The following HCN1 variants were observed in gnomAD, a reference collection of about 807,000 sequenced individuals.
The protein encoded by HCN1 is hyperpolarization activated cyclic nucleotide gated potassium channel 1, also known as potassium/sodium hyperpolarization-activated cyclic nucleotide-gated channel 1.
Under a neutral mutation model 78.9 loss-of-function variants are expected in HCN1, and 13 were observed. That is an observed-to-expected ratio of 0.16 (90% confidence interval 0.11 to 0.26). The LOEUF (loss-of-function observed/expected upper bound fraction) is 0.26. HCN1 is among the 10% of genes least tolerant of loss of function. The pLI, the probability that HCN1 is intolerant of heterozygous loss-of-function variation, is 1.00. For synonymous variants in HCN1, 552 were observed against 455.5 expected, an observed-to-expected ratio of 1.21 and a Z score of -2.70; for missense variants, 810 against 1,154.3, an observed-to-expected ratio of 0.70 and a Z score of 4.32.
intron 2 of HCN1, chr5:45,576,175 C>A (rs2111911312): frequency 6.6e-6 from 1 of 152,148 alleles, no homozygotes; most frequent in Admixed American, 6.6e-5. Context: ...AGTGGCGCCT[C>A]AAGAAGTGAC....
At chr5:45,453,540 G>T (rs1270572324) in intron 3 of HCN1, among the ~76,000 whole-genome samples, 2 of 152,008 alleles carry the variant, frequency 1.3e-5, no homozygotes, top group African/African-American at 4.8e-5. Context: ...CCAATTCATG[G>T]TTGTTTTCTA....
At chr5:45,593,340 TCACA>T (rs538486679) in intron 2 of HCN1, among the ~76,000 whole-genome samples, 110 of 125,554 alleles carry the variant, frequency 8.8e-4, no homozygotes, top group African/African-American at 1.5e-3. Context: ...TCTCTCTCTC[TCACA>T]CACACACACA....
At chr5:45,501,629 C>T (rs892086638) in intron 2 of HCN1, among the ~76,000 whole-genome samples, 89 of 152,166 alleles carry the variant, frequency 5.8e-4, no homozygotes, top group African/African-American at 1.8e-3. Context: ...TTAGTAGAGA[C>T]AGCGTTTGAC....
intron 1 of HCN1, among the ~76,000 whole-genome samples, chr5:45,676,155 T>C (rs748956630): frequency 3.9e-5 from 6 of 151,950 alleles, no homozygotes; most frequent in Admixed American, 1.3e-4. Flanking sequence ...TTTTGAGATA[T>C]CACTTTACTT....
Position 45,376,551 on chromosome 5 carries a change from C to T in HCN1, c.1230+19941G>A, listed in dbSNP as rs890733409. Reference sequence around the variant, plus strand: ...ATAAGCTAAACCAAAACAAAACAATCTTCTAAAATTTAAAGGATGATGATA... The same window carrying T: ...ATAAGCTAAACCAAAACAAAACAATTTTCTAAAATTTAAAGGATGATGATA... On this transcript the variant is annotated intron_variant, in intron 4 of 7. Coordinates refer to ENST00000303230, the MANE Select transcript of HCN1 (RefSeq NM_021072.4). 6.8e-4 allele frequency among the ~76,000 whole-genome samples: 103 copies of T among 151,144 alleles called. 1 individual carries two copies. Among genetic ancestry groups the T allele is most frequent in the African/African-American group, 2.4e-3 (100 of 41,190 alleles).
At chr5:45,529,701 C>G (rs16902161) in intron 2 of HCN1, among the ~76,000 whole-genome samples, 262 of 152,068 alleles carry the variant, frequency 1.7e-3, no homozygotes, top group African/African-American at 5.7e-3. Context: ...TAAATATTTT[C>G]TCAAAAGTTA....
chr5:45,418,430 C>T (rs990047018), intron 3 of HCN1, among the ~76,000 whole-genome samples: 2 of 148,958 alleles, frequency 1.3e-5, no homozygotes, highest in Non-Finnish European at 3.0e-5. Context: ...TAAAAACTAT[C>T]ACCTATCACA....
intron 2 of HCN1, among the ~76,000 whole-genome samples, chr5:45,487,610 G>A (rs967706336): frequency 6.6e-6 from 1 of 151,988 alleles, no homozygotes; most frequent in African/African-American, 2.4e-5. Flanking sequence ...ACTTTTCAAA[G>A]ACATATGTGC....
At chr5:45,346,606 C>T (rs1016218246) in intron 5 of HCN1, among the ~76,000 whole-genome samples, 4 of 152,160 alleles carry the variant, frequency 2.6e-5, no homozygotes, top group African/African-American at 9.6e-5. Flanking sequence ...GTTCCCTTTC[C>T]TAGTCAAAGA....
chr5:45,498,913 A>G (rs1181893131), intron 2 of HCN1, among the ~76,000 whole-genome samples: 1 of 152,070 alleles, frequency 6.6e-6, no homozygotes, highest in Non-Finnish European at 1.5e-5. Context: ...GGGGTCAGGG[A>G]CCCACTTTAG....
At chr5:45,596,981 C>T (rs1472192356) in intron 2 of HCN1, among the ~76,000 whole-genome samples, 1 of 151,870 alleles carries the variant, frequency 6.6e-6, no homozygotes, top group South Asian at 2.1e-4. Context: ...GATAACGTTA[C>T]CTCTTACAAA....
At chr5:45,600,079 T>A (rs1744592148) in intron 2 of HCN1, among the ~76,000 whole-genome samples, 1 of 152,092 alleles carries the variant, frequency 6.6e-6, no homozygotes, top group Admixed American at 6.6e-5. Flanking sequence ...TGTGTTTAGA[T>A]GTGTGGTCTT....
intron 1 of HCN1, among the ~76,000 whole-genome samples, chr5:45,657,160 T>C (rs1745781983): frequency 1.3e-5 from 2 of 152,128 alleles, no homozygotes; most frequent in Admixed American, 1.3e-4. Context: ...CTGAGTTTCT[T>C]TAATTTTCTG....
chr5:45,363,122 ATATAACATAT>A (rs1184507499), intron 4 of HCN1, among the ~76,000 whole-genome samples: 1 of 136,164 alleles, frequency 7.3e-6, no homozygotes, highest in Non-Finnish European at 1.5e-5. Context: ...CATATTATAT[ATATAACATAT>A]TATATATATA....
rs1215461701 is a variant in HCN1 at position 45,695,914 on chromosome 5, C to T, written c.180G>A (p.Lys60=). The T allele has an allele frequency of 1.3e-6, 2 of 1,502,772 alleles. No individual in the cohort carries two copies. The highest frequency in any genetic ancestry group is 5.1e-5 in the East Asian group (2 of 38,946). 93.1% of individuals were successfully genotyped at this position (1,502,772 alleles called of 1,614,324 possible). A position where few individuals can be genotyped will look rare whatever the true frequency, so the allele number is the denominator to read the frequency against. ...AKEHGNSVCF[K]VDGGGGGGGG... ...CGCCACCGCCGCCACCGCCGTCCAC[C>T]TTGAAGCACACGGAGTTGCCGTGCT... The change falls in exon 1 of 8, where the codon AAG becomes AAA. Residue 60 remains lysine (K), a synonymous_variant. Coordinates refer to ENST00000303230, the MANE Select transcript of HCN1 (RefSeq NM_021072.4).
rs1296797728 is a variant in HCN1 at position 45,260,781 on chromosome 5, T to G, written c.*1140A>C. The G allele has an allele frequency of 1.3e-5, 2 of 152,568 alleles. No individual in the cohort carries two copies. The highest frequency in any genetic ancestry group is 2.9e-5 in the Non-Finnish European group (2 of 68,022). 9.5% of individuals were successfully genotyped at this position (152,568 alleles called of 1,614,324 possible). ...CTCACTTCTAGACTTAAGTCAGAGATCCAAGTCAGCCTTATAGGAATTATA... is the reference window on the plus strand; with the variant it reads ...CTCACTTCTAGACTTAAGTCAGAGAGCCAAGTCAGCCTTATAGGAATTATA... On this transcript the variant is annotated 3_prime_UTR_variant, in exon 8 of 8. Coordinates refer to ENST00000303230, the MANE Select transcript of HCN1 (RefSeq NM_021072.4).
chr5:45,399,976 A>C (rs1165974885), intron 3 of HCN1, among the ~76,000 whole-genome samples: 1 of 152,192 alleles, frequency 6.6e-6, no homozygotes, highest in Admixed American at 6.5e-5. Context: ...TTACTTTATC[A>C]GTGAAAATGT....
intron 5 of HCN1, among the ~76,000 whole-genome samples, chr5:45,304,684 A>T (rs1443889950): frequency 6.6e-6 from 1 of 152,046 alleles, no homozygotes; most frequent in Non-Finnish European, 1.5e-5. Context: ...CAAAAAGATT[A>T]AAAAAATAAA....
At chr5:45,668,719 AG>A (rs750838326) in intron 1 of HCN1, among the ~76,000 whole-genome samples, 1 of 151,934 alleles carries the variant, frequency 6.6e-6, no homozygotes, top group Non-Finnish European at 1.5e-5. Context: ...TTAGGAGATA[AG>A]CAAGTGTTAC....
Sources: allele counts gnomAD v4.1 joint callset (sites outside exome capture counted in the v4.1 genomes callset), GRCh38; gene constraint gnomAD v4.1.1; transcripts MANE v1.5; gene names NCBI Gene and HGNC (gene_info 2026-07-23, HGNC 2026-07-21).